ZNF230: variants seen among roughly 807,000 people sequenced by gnomAD.
ZNF230 encodes the protein zinc finger protein FDZF2.
A neutral mutation model predicts 10.0 loss-of-function variants in ZNF230; 12 were observed. The observed-to-expected ratio is 1.20, with a 90% CI of 0.77 to 1.95. The LOEUF (loss-of-function observed/expected upper bound fraction) is 1.95. Ranked by LOEUF, ZNF230 falls within the 30% of genes most tolerant of loss-of-function variation. ZNF230 has a pLI of 0.00. For synonymous variants in ZNF230, 174 were observed against 193.6 expected (o/e 0.90, Z 0.84); for missense variants, 532 against 565.8 (o/e 0.94, Z 0.61).
rs1976191651 is a variant in ZNF230 at position 44,012,091 on chromosome 19, C to T, written c.*627C>T. On this transcript the variant is annotated 3_prime_UTR_variant, in exon 5 of 5. Transcript: ENST00000429154. ...TGATTTCCTTTGCTTTGGATATACT[C>T]AATAGTGGGATTGCTAGATCACTCG... 1 of 259,666 alleles carries T rather than the reference C, an allele frequency of 3.9e-6. No individual in the cohort carries two copies. The highest frequency in any genetic ancestry group is 7.6e-6 in the Non-Finnish European group (1 of 132,236). The allele number at this position is 259,666 out of a possible 1,614,324, so 16.1% of individuals were successfully genotyped here.
In ZNF230 at chr19:44,010,970, G is replaced by A. The variant is rs1400657962; in HGVS notation, c.931G>A (p.Glu311Lys). Residue 311 changes from glutamate to lysine, a missense_variant, in exon 5 of 5, where the codon GAG (glutamate) becomes AAG (lysine). Glu to Lys is a moderately conservative substitution (Grantham distance 56). Transcript: ENST00000429154. ...VHTAEKLYKSEECGKGFTDSL... is the reference protein window; with the variant it reads ...VHTAEKLYKSKECGKGFTDSL... ...CACAGCAGAGAAACTGTACAAATCT[G>A]AGGAGTGTGGAAAAGGCTTCACTGA... is the stretch of plus-strand genomic sequence containing the variant. The A allele has an allele frequency of 1.9e-6, 3 of 1,614,158 alleles. No individual in the cohort carries two copies. Among genetic ancestry groups the A allele is most frequent in the African/African-American group, 1.3e-5 (1 of 75,028 alleles).
chr19:44,006,066 G>T (rs1976120796), intron 1 of ZNF230, among the ~76,000 whole-genome samples: 1 of 151,538 alleles, frequency 6.6e-6, no homozygotes. Context: ...TTTTTAATAG[G>T]AAAGTTATTT....
rs193202064 is a variant in ZNF230, at chr19:44,006,797, T to A, written c.-68-214T>A. 4.5e-4 allele frequency: 135 copies of A among 302,002 alleles called. No individual in the cohort carries two copies. In the Admixed American group the frequency reaches 6.2e-3, roughly 14 times the overall value. The allele number at this position is 302,002 out of a possible 1,614,324, so 18.7% of individuals were successfully genotyped here. On this transcript the variant is annotated intron_variant, in intron 1 of 4. Coordinates refer to ENST00000429154, the MANE Select transcript of ZNF230 (RefSeq NM_006300.4). ...GCATGTTGTAGCATGGGTTGGTACT[T>A]CATTCCTTTTAATTTCCAAATTAGA...
rs1300718068 is a variant in ZNF230 at position 44,011,015 on chromosome 19, C to T, written c.976C>T (p.His326Tyr). ...GFTDSLDLHK[H>Y]QIIHTGQKPY... ...CACTGATAGCCTAGATTTGCATAAG[C>T]ATCAGATAATTCACACAGGACAGAA... The change falls in exon 5 of 5, where the codon CAT (histidine) becomes TAT (tyrosine). Residue 326 changes from histidine to tyrosine, a missense_variant. Physicochemically the swap from His to Tyr is moderately conservative, Grantham distance 83. Transcript: ENST00000429154. 1.9e-6 allele frequency: 3 copies of T among 1,614,040 alleles called. No individual in the cohort carries two copies. The highest frequency in any genetic ancestry group is 1.6e-4 in the Middle Eastern group (1 of 6,084).
chr19:44,009,165 A>G lies in ZNF230; in HGVS notation c.224A>G (p.Asn75Ser), dbSNP rs141481463. 3 of 1,614,072 alleles carry G rather than the reference A, an allele frequency of 1.9e-6. No individual in the cohort carries two copies. In the African/African-American group the frequency reaches 4.0e-5, roughly 22 times the overall value. Residue 75 changes from asparagine to serine, a missense_variant, in exon 4 of 5, where the codon AAT becomes AGT. Coordinates refer to ENST00000429154, the MANE Select transcript of ZNF230 (RefSeq NM_006300.4). The stretch of plus-strand genomic sequence containing the variant: ...GAGACAGCAACCCAAAGAGAAGGAA[A>G]TTCAGGTAAGAAGCAAGCAACTGTG... ...MMETATQREG[N>S]SGGKTIAEAG...
intron 2 of ZNF230, 63 bp from the exon 3 acceptor site, chr19:44,008,727 T>A: frequency 6.3e-7 from 1 of 1,584,628 alleles, no homozygotes; most frequent in Non-Finnish European, 8.6e-7. Context: ...GCCTGCTCAA[T>A]GCTGCTCCTC....
At chr19:44,009,401 G>T (rs770165421) in intron 4 of ZNF230, 129 of 577,870 alleles carry the variant, frequency 2.2e-4, no homozygotes, top group Non-Finnish European at 3.7e-4. Context: ...TCCACTCCTT[G>T]GTCCAAAAGC....
chr19:44,010,457 T>A lies in ZNF230; in HGVS notation c.418T>A (p.Ser140Thr), dbSNP rs758752911. 6.2e-7 allele frequency: 1 copy of A among 1,614,232 alleles called. No individual in the cohort carries two copies. The highest frequency in any genetic ancestry group is 8.5e-7 in the Non-Finnish European group (1 of 1,180,032). Residue 140 changes from serine (S) to threonine (T), a missense_variant, in exon 5 of 5, where the codon TCA becomes ACA. Physicochemically the swap from Ser to Thr is moderately conservative, Grantham distance 58 (BLOSUM62 1). Coordinates refer to ENST00000429154, the MANE Select transcript of ZNF230 (RefSeq NM_006300.4). ...TATAATTCATACAGGACAGAAACCT[T>A]CACAGAATGGGAAGTGTAAACAGTC... ...LSIIHTGQKP[S>T]QNGKCKQSFS...
At chr19:44,009,316 G>C (rs914191902) in intron 4 of ZNF230, 146 bp downstream of exon 4, 1 of 867,748 alleles carries the variant, frequency 1.2e-6, no homozygotes, top group African/African-American at 1.7e-5. Flanking sequence ...TGGTGGTCCT[G>C]TTCCCTCCCT....
chr19:44,005,884 G>A (rs1976117968), intron 1 of ZNF230, among the ~76,000 whole-genome samples: 1 of 152,086 alleles, frequency 6.6e-6, no homozygotes, highest in Non-Finnish European at 1.5e-5. Flanking sequence ...GCGAGACTCT[G>A]TCTCAAAAAA....
rs1976209740 is a variant in ZNF230 at position 44,013,519 on chromosome 19, C to T, written c.*2055C>T. The T allele has an allele frequency of 6.6e-6, 1 of 151,990 alleles. No individual in the cohort carries two copies. Among genetic ancestry groups the T allele is most frequent in the African/African-American group, 2.4e-5 (1 of 41,380 alleles). 9.4% of individuals were successfully genotyped at this position (151,990 alleles called of 1,614,324 possible). ...TAGAAAACCACATGGATGATATCAC[C>T]CCATTTTAAAATGGAATAAGTATTC... is the stretch of plus-strand genomic sequence containing the variant. On this transcript the variant is annotated 3_prime_UTR_variant, in exon 5 of 5. Coordinates refer to ENST00000429154, the MANE Select transcript of ZNF230 (RefSeq NM_006300.4).
intron 2 of ZNF230, among the ~76,000 whole-genome samples, chr19:44,008,576 G>A (rs1976143030): frequency 6.6e-6 from 1 of 152,160 alleles, no homozygotes; most frequent in South Asian, 2.1e-4. Context: ...TTACTTACAA[G>A]GAGACTCAGT....
At chr19:44,007,186 A>G in intron 2 of ZNF230, 93 bp downstream of exon 2, 1 of 1,292,266 alleles carries the variant, frequency 7.7e-7, no homozygotes, top group Non-Finnish European at 1.1e-6. Flanking sequence ...CTCAAGGAGG[A>G]AATGGGCATT....
In ZNF230 at chr19:44,010,737, T is replaced by A. The variant is rs1418926968; in HGVS notation, c.698T>A (p.Phe233Tyr). The change falls in exon 5 of 5, where the codon TTC (phenylalanine) becomes TAC (tyrosine). Residue 233 changes from phenylalanine to tyrosine, a missense_variant. Transcript: ENST00000429154. The stretch of plus-strand genomic sequence containing the variant: ...AAATGTGAGCAATGTGGGAAAGGCT[T>A]CAGATGTAGAGCGATACTTCAAGTT... The part of the protein sequence containing the change: ...PFKCEQCGKG[F>Y]RCRAILQVHC... The A allele has an allele frequency of 6.2e-7, 1 of 1,614,056 alleles. No individual in the cohort carries two copies. The highest frequency in any genetic ancestry group is 8.5e-7 in the Non-Finnish European group (1 of 1,180,022).
chr19:44,008,705 C>T, intron 2 of ZNF230, 85 bp from the exon 3 acceptor site: 1 of 1,506,586 alleles, frequency 6.6e-7, no homozygotes, highest in Non-Finnish European at 9.0e-7. Flanking sequence ...TTGACCTCCA[C>T]TTCTCCTCTC....
intron 2 of ZNF230, 104 bp downstream of exon 2, chr19:44,007,197 T>C: frequency 9.0e-7 from 1 of 1,108,156 alleles, no homozygotes; most frequent in Admixed American, 2.4e-5. Context: ...AATGGGCATT[T>C]GGGACCTGTT....
chr19:44,010,119 T>C (rs1364459217), intron 4 of ZNF230, 150 bp from the exon 5 acceptor site: 1 of 666,382 alleles, frequency 1.5e-6, no homozygotes, highest in Non-Finnish European at 2.4e-6. Context: ...GGTTATAAAT[T>C]GGTCACATAC....
In ZNF230 at chr19:44,011,090, C is replaced by A. The variant is rs866381409; in HGVS notation, c.1051C>A (p.Leu351Ile). 1 of 1,614,144 alleles carries A rather than the reference C, an allele frequency of 6.2e-7. No homozygotes were observed. Among genetic ancestry groups the A allele is most frequent in the Non-Finnish European group, 8.5e-7 (1 of 1,180,014 alleles). ...GAAGAGCTTCAGATGGTCCTCATAT[C>A]TTTTGATCCATCAGCGAATCCACAG... ...CGKSFRWSSY[L>I]LIHQRIHSGE... The change falls in exon 5 of 5, where the codon CTT (leucine) becomes ATT (isoleucine). Residue 351 changes from leucine (L) to isoleucine (I), a missense_variant. Leu to Ile is a conservative substitution (Grantham distance 5). Transcript: ENST00000429154.
In ZNF230 at chr19:44,010,493, G is replaced by A. The variant is rs1383589501; in HGVS notation, c.454G>A (p.Val152Ile). 3 of 1,614,128 alleles carry A rather than the reference G, an allele frequency of 1.9e-6. No homozygotes were observed. The highest frequency in any genetic ancestry group is 2.7e-5 in the African/African-American group (2 of 74,936). ...GAAGTGTAAACAGTCCTTCAGTGAT[G>A]TTGCCATCTTTGATCCTCCTCAGCA... The part of the protein sequence containing the change: ...NGKCKQSFSD[V>I]AIFDPPQQFH... Residue 152 changes from valine (V) to isoleucine (I), a missense_variant, in exon 5 of 5, where the codon GTT becomes ATT. Coordinates refer to ENST00000429154, the MANE Select transcript of ZNF230 (RefSeq NM_006300.4).
Sources: gnomAD v4.1 joint callset for allele counts (sites outside exome capture counted in the v4.1 genomes callset) on GRCh38, gnomAD v4.1.1 for gene constraint, MANE v1.5 for transcripts, NCBI Gene and HGNC (gene_info 2026-07-23, HGNC 2026-07-21) for gene names.